The following SMAP1 variants were observed in gnomAD, a reference collection of about 807,000 sequenced individuals.
SMAP1 encodes the protein stromal membrane-associated protein 1.
Under a neutral mutation model 58.5 loss-of-function variants are expected in SMAP1, and 24 were observed. The ratio of observed to expected loss-of-function variants is 0.41; its 90% CI spans 0.30 to 0.58. The LOEUF (loss-of-function observed/expected upper bound fraction) is 0.58, where lower values mean the gene tolerates loss of function less well. Among genes scored for constraint, SMAP1 ranks in the 20% least tolerant of loss-of-function variants. The pLI is 0.29. For missense variants in SMAP1, 563 were observed against 566.3 expected, an observed-to-expected ratio of 0.99 and a Z score of 0.06; for synonymous variants, 216 against 196.6, an observed-to-expected ratio of 1.10 and a Z score of -0.82.
chr6:70,690,552 C>G (rs188390719), intron 1 of SMAP1, among the ~76,000 whole-genome samples: 1 of 151,934 alleles, frequency 6.6e-6, no homozygotes, highest in Non-Finnish European at 1.5e-5. Flanking sequence ...GTGATTTGCC[C>G]GCCTTGGCCT....
At chr6:70,804,528 A>T (rs1220140962) in intron 6 of SMAP1, among the ~76,000 whole-genome samples, 1 of 151,746 alleles carries the variant, frequency 6.6e-6, no homozygotes, top group Non-Finnish European at 1.5e-5. Flanking sequence ...TGTGAATGAG[A>T]TCCTGTCATT....
At chr6:70,773,176 T>TA in intron 3 of SMAP1, 174 bp from the exon 4 acceptor site, 1 of 490,712 alleles carries the variant, frequency 2.0e-6, no homozygotes, top group South Asian at 2.7e-5. Flanking sequence ...GTAGACTTCT[T>TA]TAAGAGAAAG....
At chr6:70,677,432 CTTTTTTTT>C (rs58133069) in intron 1 of SMAP1, among the ~76,000 whole-genome samples, 19 of 60,424 alleles carry the variant, frequency 3.1e-4, no homozygotes, top group African/African-American at 1.5e-3. Flanking sequence ...CTTGTCACTT[CTTTTTTTT>C]TTTTTTTTTT....
At chr6:70,780,544 G>A (rs141787846) in intron 4 of SMAP1, among the ~76,000 whole-genome samples, 1 of 152,276 alleles carries the variant, frequency 6.6e-6, no homozygotes, top group East Asian at 1.9e-4. Flanking sequence ...TCACACCGCT[G>A]TACTACTACC....
chr6:70,796,839 A>G (rs888267250), intron 5 of SMAP1, among the ~76,000 whole-genome samples: 1 of 152,182 alleles, frequency 6.6e-6, no homozygotes, highest in African/African-American at 2.4e-5. Flanking sequence ...GTTGACTTTT[A>G]TCCTGTTCCT....
At chr6:70,852,729 T>C in intron 8 of SMAP1, 65 bp downstream of exon 8, 1 of 1,435,376 alleles carries the variant, frequency 7.0e-7, no homozygotes, top group Non-Finnish European at 9.2e-7. Flanking sequence ...GTTTCAAAAT[T>C]TCAATTTTGG....
intron 5 of SMAP1, among the ~76,000 whole-genome samples, chr6:70,797,921 CTT>C (rs553625787): frequency 3.2e-4 from 49 of 152,054 alleles, no homozygotes; most frequent in Non-Finnish European, 5.6e-4. Context: ...TGTTTAATCT[CTT>C]TTCATTTTCC....
chr6:70,836,004 G>A (rs1770565915), intron 6 of SMAP1, among the ~76,000 whole-genome samples: 1 of 152,152 alleles, frequency 6.6e-6, no homozygotes, highest in Non-Finnish European at 1.5e-5. Flanking sequence ...CAGGAAGAAA[G>A]TATATCAAAT....
intron 1 of SMAP1, among the ~76,000 whole-genome samples, chr6:70,701,895 T>C (rs1235505764): frequency 6.6e-6 from 1 of 152,222 alleles, no homozygotes; most frequent in Non-Finnish European, 1.5e-5. Flanking sequence ...AGATGATTAT[T>C]GGTTCTGTTT....
intron 1 of SMAP1, among the ~76,000 whole-genome samples, chr6:70,710,467 C>T (rs1768007614): frequency 7.3e-6 from 1 of 137,822 alleles, no homozygotes; most frequent in Non-Finnish European, 1.5e-5. Context: ...ACACTCCAGC[C>T]TGGTGACAGA....
intron 1 of SMAP1, among the ~76,000 whole-genome samples, chr6:70,693,364 T>G (rs1373903282): frequency 1.3e-5 from 2 of 148,802 alleles, no homozygotes; most frequent in Non-Finnish European, 3.0e-5. Flanking sequence ...AGTGCAGTGG[T>G]GCAATCTCTG....
At chr6:70,709,459 T>C (rs1767967360) in intron 1 of SMAP1, among the ~76,000 whole-genome samples, 1 of 152,124 alleles carries the variant, frequency 6.6e-6, no homozygotes, top group Non-Finnish European at 1.5e-5. Context: ...CACCTGAGCC[T>C]GCGACTGCAG....
At chr6:70,829,118 C>G (rs1770257261) in intron 6 of SMAP1, among the ~76,000 whole-genome samples, 1 of 152,132 alleles carries the variant, frequency 6.6e-6, no homozygotes, top group Non-Finnish European at 1.5e-5. Context: ...CCTAATCACC[C>G]ACGACTACCA....
At chr6:70,803,064 TA>T (rs1219489908) in intron 6 of SMAP1, among the ~76,000 whole-genome samples, 2 of 152,204 alleles carry the variant, frequency 1.3e-5, no homozygotes, top group Non-Finnish European at 2.9e-5. Flanking sequence ...TTGATTGGAA[TA>T]GTTTCAGAAG....
chr6:70,791,323 T>C (rs1768341665), intron 4 of SMAP1, among the ~76,000 whole-genome samples: 1 of 152,202 alleles, frequency 6.6e-6, no homozygotes, highest in African/African-American at 2.4e-5. Flanking sequence ...TGGGACAGTG[T>C]GTCTTTACGT....
At chr6:70,678,415 C>G (rs781992) in intron 1 of SMAP1, among the ~76,000 whole-genome samples, 66,049 of 152,064 alleles carry the variant, frequency 0.43, 14,707 homozygotes, top group South Asian at 0.5. Flanking sequence ...TATGTTTAGC[C>G]TAGGGCGTTA....
chr6:70,786,841 G>A (rs1056471242), intron 4 of SMAP1, among the ~76,000 whole-genome samples: 1 of 152,190 alleles, frequency 6.6e-6, no homozygotes, highest in African/African-American at 2.4e-5. Flanking sequence ...CTCATGGACA[G>A]GAAGAATCAA....
intron 3 of SMAP1, among the ~76,000 whole-genome samples, chr6:70,768,452 G>T (rs1032061853): frequency 5.9e-5 from 9 of 152,120 alleles, no homozygotes; most frequent in Non-Finnish European, 8.8e-5. Flanking sequence ...TGTTCAGAGA[G>T]TCAACTTCTT....
intron 1 of SMAP1, chr6:70,693,878 T>C (rs1767289382): frequency 6.5e-6 from 1 of 152,920 alleles, no homozygotes. Flanking sequence ...AGATGACCCA[T>C]CTTTGGATAC....
Sources: gnomAD v4.1 joint callset for allele counts (sites outside exome capture counted in the v4.1 genomes callset) on GRCh38, gnomAD v4.1.1 for gene constraint, MANE v1.5 for transcripts, NCBI Gene and HGNC (gene_info 2026-07-23, HGNC 2026-07-21) for gene names.